Variants in SOX6 observed in about 807,000 individuals in gnomAD.
The protein encoded by SOX6 is SRY-box transcription factor 6, also known as transcription factor SOX-6.
SOX6 carries 11 observed loss-of-function variants against 97.8 expected under a neutral mutation model. The observed-to-expected ratio is 0.11, with a 90% CI of 0.07 to 0.19. The LOEUF (loss-of-function observed/expected upper bound fraction) is 0.19, where lower values mean the gene tolerates loss of function less well. SOX6 is among the 10% of genes least tolerant of loss of function. The pLI is 1.00. For missense variants in SOX6, 810 were observed against 1,039.5 expected (o/e 0.78, Z 3.04); for synonymous variants, 360 against 371.4 (o/e 0.97, Z 0.35).
chr11:16,180,043 G>A (rs1851306949), intron 6 of SOX6, among the ~76,000 whole-genome samples: 1 of 151,330 alleles, frequency 6.6e-6, no homozygotes, highest in Non-Finnish European at 1.5e-5. Context: ...CAAAGAATGT[G>A]GTATATTGGA....
At chr11:16,539,237 C>G (rs11023981) in intron 4 of SOX6, among the ~76,000 whole-genome samples, 1 of 150,266 alleles carries the variant, frequency 6.7e-6, no homozygotes, top group Non-Finnish European at 1.5e-5. Context: ...GGGTAAATAA[C>G]GAAGGCAGAA....
Position 16,605,582 on chromosome 11 carries a change from G to T in SOX6, n.609+6499C>A, listed in dbSNP as rs979174650. Reference sequence around the variant, plus strand: ...TGGGGTGAGGGTGGGAGGAGGGAGCGCAAGCGTTTTCTAGCGACCCGGGTT... The same window carrying T: ...TGGGGTGAGGGTGGGAGGAGGGAGCTCAAGCGTTTTCTAGCGACCCGGGTT... On this transcript the variant is annotated intron_variant and non_coding_transcript_variant, in intron 4 of 5. Coordinates refer to the SOX6 transcript ENST00000524520. The surrounding 1 kb of genome is among the most constrained non-coding windows in gnomAD (Gnocchi z 5.3). Among the ~76,000 whole-genome samples the T allele has an allele frequency of 2.6e-5, 4 of 152,074 alleles. No homozygotes were observed. Among genetic ancestry groups the T allele is most frequent in the African/African-American group, 9.7e-5 (4 of 41,398 alleles).
At position 16,349,336 on chromosome 11, in the gene SOX6, G is replaced by A. The variant is rs576382361; in HGVS notation, c.-5+6758C>T. 8.9e-4 allele frequency among the ~76,000 whole-genome samples: 136 copies of A among 152,120 alleles called. 1 individual carries two copies. The highest frequency in any genetic ancestry group is 3.1e-3 in the African/African-American group (130 of 41,488). On this transcript the variant is annotated intron_variant, in intron 1 of 15. Coordinates refer to ENST00000683767, the MANE Select transcript of SOX6 (RefSeq NM_001367873.1). ...ATCAGAAAATATGTCCTACAGCTAG[G>A]CCTGCTGAGGTGGCTCATGCCTGTA...
Position 16,514,172 on chromosome 11 carries a change from T to C in SOX6, n.610-37784A>G, listed in dbSNP as rs540770860. On this transcript the variant is annotated intron_variant and non_coding_transcript_variant, in intron 4 of 5. Transcript: ENST00000524520. ...TCAAGGCTGCAGTGAGCCGGGATCA[T>C]AACACTGCCCTCCAGCCTGGGCAAC... is the stretch of plus-strand genomic sequence containing the variant. Among the ~76,000 whole-genome samples, 33 of 129,934 alleles carry C rather than the reference T, an allele frequency of 2.5e-4. No homozygotes were observed. The East Asian group carries it at 6.1e-3, about 24-fold the overall frequency. 85.2% of individuals were successfully genotyped at this position (129,934 alleles called of 152,430 possible). A position where few individuals can be genotyped will look rare whatever the true frequency, so the allele number is the denominator to read the frequency against.
chr11:16,402,707 A>G, intron 1 of SOX6: 1 of 1,610,882 alleles, frequency 6.2e-7, no homozygotes, highest in South Asian at 1.1e-5. Flanking sequence ...TCACCTGACT[A>G]AACTGTAGGT....
intron 6 of SOX6, among the ~76,000 whole-genome samples, chr11:16,119,083 C>G (rs764137143): frequency 2.0e-5 from 3 of 151,972 alleles, no homozygotes; most frequent in Non-Finnish European, 4.4e-5. Flanking sequence ...TCGAAATGAC[C>G]ATATTCATTT....
At chr11:16,358,248 A>T (rs1239245038), upstream of SOX6, among the ~76,000 whole-genome samples, 1 of 152,200 alleles carries the variant, frequency 6.6e-6, no homozygotes, top group African/African-American at 2.4e-5. Flanking sequence ...CACATTACTA[A>T]TAAAACTATA....
intron 4 of SOX6, among the ~76,000 whole-genome samples, chr11:16,200,412 A>G (rs958887865): frequency 6.6e-6 from 1 of 152,240 alleles, no homozygotes; most frequent in African/African-American, 2.4e-5. Context: ...TACTTCTCAA[A>G]AACAGTTTTA....
At chr11:16,622,650 C>A (rs1848562085) in intron 3 of SOX6, among the ~76,000 whole-genome samples, 1 of 152,156 alleles carries the variant, frequency 6.6e-6, no homozygotes, top group Admixed American at 6.5e-5. Flanking sequence ...ACCACAATTT[C>A]TTTATCCATT....
chr11:16,132,402 AAAGAAAG>A (rs1423414697), intron 6 of SOX6, among the ~76,000 whole-genome samples: 2 of 33,380 alleles, frequency 6.0e-5, no homozygotes, highest in African/African-American at 3.1e-4. Context: ...AAGAAAGAAA[AAAGAAAG>A]AAAGAAAGAA....
At chr11:16,736,837 T>G (rs1314964346) in intron 1 of SOX6, among the ~76,000 whole-genome samples, 1 of 152,214 alleles carries the variant, frequency 6.6e-6, no homozygotes, top group Admixed American at 6.5e-5. Flanking sequence ...GTTTCTTTTT[T>G]TTCTCTTGGG....
intron 3 of SOX6, among the ~76,000 whole-genome samples, chr11:16,279,988 G>A (rs1292634662): frequency 6.6e-6 from 1 of 152,022 alleles, no homozygotes; most frequent in East Asian, 1.9e-4. Flanking sequence ...ATGACCCAAA[G>A]CTTCAGTCCA....
chr11:16,446,586 T>C (rs1036890158), intron 1 of SOX6, among the ~76,000 whole-genome samples: 3 of 152,138 alleles, frequency 2.0e-5, no homozygotes, highest in African/African-American at 7.2e-5. Flanking sequence ...TTCTCCAATG[T>C]ATTACGCACA....
chr11:16,323,220 T>C (rs1855978631), intron 2 of SOX6, among the ~76,000 whole-genome samples: 1 of 152,100 alleles, frequency 6.6e-6, no homozygotes. Context: ...GTAAAATATG[T>C]GTAGATGATT....
intron 4 of SOX6, among the ~76,000 whole-genome samples, chr11:16,219,731 G>T (rs1251363928): frequency 6.6e-6 from 1 of 151,922 alleles, no homozygotes; most frequent in African/African-American, 2.4e-5. Flanking sequence ...TCAGACAAAT[G>T]ACCTAAATAC....
At position 16,375,687 on chromosome 11, in the gene SOX6, C is replaced by A. The variant is rs540407224; in HGVS notation, c.-4-34435G>T. On this transcript the variant is annotated intron_variant, in intron 1 of 15. Coordinates refer to the SOX6 transcript ENST00000396356. Reference sequence around the variant, plus strand: ...ATTTAAAGAGCTAATGCACACCCAGCAATCCCAAAGGAATATAAATCCTTC... The same window carrying A: ...ATTTAAAGAGCTAATGCACACCCAGAAATCCCAAAGGAATATAAATCCTTC... Among the ~76,000 whole-genome samples the A allele has an allele frequency of 2.6e-5, 4 of 152,066 alleles. No homozygotes were observed. The East Asian group carries it at 7.7e-4, about 29-fold the overall frequency.
intron 1 of SOX6, among the ~76,000 whole-genome samples, chr11:16,442,843 T>C (rs553689635): frequency 6.6e-6 from 1 of 152,162 alleles, no homozygotes; most frequent in Non-Finnish European, 1.5e-5. Flanking sequence ...CAGGAGATTA[T>C]AATAAAACAG....
intron 3 of SOX6, among the ~76,000 whole-genome samples, chr11:16,285,080 G>A (rs1286816405): frequency 6.6e-6 from 1 of 152,048 alleles, no homozygotes; most frequent in East Asian, 1.9e-4. Flanking sequence ...ATAGTCAAGT[G>A]AGCCTAACTG....
chr11:16,132,963 T>A (rs1849858867), intron 6 of SOX6, among the ~76,000 whole-genome samples: 1 of 152,178 alleles, frequency 6.6e-6, no homozygotes, highest in African/African-American at 2.4e-5. Flanking sequence ...AAAAGTATAT[T>A]ATTCATTCAG....
Sources: gnomAD v4.1 joint callset for allele counts (sites outside exome capture counted in the v4.1 genomes callset) on GRCh38, gnomAD v4.1.1 for gene constraint, Gnocchi (gnomAD v3.1) non-coding constraint, MANE v1.5 for transcripts, NCBI Gene and HGNC (gene_info 2026-07-23, HGNC 2026-07-21) for gene names.